Variants in ADAR observed in about 807,000 individuals in gnomAD.
The protein encoded by ADAR is adenosine deaminase RNA specific, also known as double-stranded RNA-specific adenosine deaminase.
ADAR carries 41 observed loss-of-function variants against 113.2 expected under a neutral mutation model. The ratio of observed to expected loss-of-function variants is 0.36; its 90% CI spans 0.28 to 0.47. The LOEUF (loss-of-function observed/expected upper bound fraction) is 0.47, where lower values mean the gene tolerates loss of function less well. Among genes scored for constraint, ADAR ranks in the 20% least tolerant of loss-of-function variants. The pLI is 1.00. For missense variants in ADAR, 1,242 were observed against 1,540.9 expected, an observed-to-expected ratio of 0.81 and a Z score of 3.25; for synonymous variants, 605 against 572.6, an observed-to-expected ratio of 1.06 and a Z score of -0.81.
At chr1:154,608,945 A>G (rs1030915925), upstream of ADAR, 1 of 152,296 alleles carries the variant, frequency 6.6e-6, no homozygotes, top group Non-Finnish European at 1.5e-5. Flanking sequence ...GATGCCAGCC[A>G]GTAAAAAGTA....
At position 154,584,864 on chromosome 1, in the gene ADAR, T is replaced by C. The variant is rs2101556911; in HGVS notation, c.3623A>G (p.Tyr1208Cys). ...YFKKGLKDMG[Y>C]GNWISKPQEE... is the part of the protein sequence containing the mutation. ...CTGGGGTTTGCTAATCCAGTTCCCA[T>C]AGCCCATATCCTTCAGGCCTTTTTT... The change falls in exon 15 of 15, where the codon TAT becomes TGT. Residue 1208 changes from tyrosine (Y) to cysteine (C), a missense_variant. Around this residue, in one of 2 missense-constraint regions of ADAR, gnomAD observed 780 missense variants for 1,057.9 expected, o/e 0.74. Coordinates refer to ENST00000368474, the MANE Select transcript of ADAR (RefSeq NM_001111.5). The C allele has an allele frequency of 1.2e-6, 2 of 1,614,210 alleles. No homozygotes were observed. Among genetic ancestry groups the C allele is most frequent in the South Asian group, 1.1e-5 (1 of 91,080 alleles).
At chr1:154,591,900 G>A (rs759303582) in intron 6 of ADAR, among the ~76,000 whole-genome samples, 10 of 152,224 alleles carry the variant, frequency 6.6e-5, no homozygotes, top group Non-Finnish European at 1.3e-4. Context: ...ACAGTGGCAT[G>A]AAAAGAAGAT....
In ADAR at chr1:154,597,766, A is replaced by G. The variant is rs1697598267; in HGVS notation, c.1934+62T>C. On this transcript the variant is annotated intron_variant, in intron 4 of 14. Coordinates refer to ENST00000368474, the MANE Select transcript of ADAR (RefSeq NM_001111.5). ...TGCCATCCCTGAGGAGGCAAGGAAG[A>G]AAATGTGTCTCTTTTTCTTTCTGAG... 1.9e-6 allele frequency: 3 copies of G among 1,608,670 alleles called. No individual in the cohort carries two copies. The South Asian group carries it at 3.3e-5, about 18-fold the overall frequency.
intron 6 of ADAR, among the ~76,000 whole-genome samples, chr1:154,593,120 G>GT (rs2101601922): frequency 9.5e-6 from 1 of 105,742 alleles, no homozygotes; most frequent in Non-Finnish European, 1.7e-5. Context: ...GGGTGACAGA[G>GT]TGAGACTCCA....
chr1:154,608,329 C>CTTTTT (rs560819918), upstream of ADAR: 43 of 287,490 alleles, frequency 1.5e-4, no homozygotes, highest in Non-Finnish European at 2.4e-4. Context: ...ACGGAAGGTA[C>CTTTTT]TTTTTTTTTT....
chr1:154,607,979 C>A lies in ADAR; in HGVS notation c.15+13G>T. 6.2e-7 allele frequency: 1 copy of A among 1,611,092 alleles called. No individual in the cohort carries two copies. Among genetic ancestry groups the A allele is most frequent in the Non-Finnish European group, 8.5e-7 (1 of 1,178,964 alleles). On this transcript the variant is annotated intron_variant, in intron 1 of 14. Transcript: ENST00000368474. The stretch of plus-strand genomic sequence containing the variant: ...CCAGACGGCGGCGAAGGTCCAAGGC[C>A]GGCCCGGCTTACCTGCCGCGGATTC...
chr1:154,599,192 A>ATT (rs1431785445), intron 2 of ADAR, among the ~76,000 whole-genome samples: 1 of 152,240 alleles, frequency 6.6e-6, no homozygotes, highest in Non-Finnish European at 1.5e-5. Context: ...TATGTAGAAA[A>ATT]TAAAAAAGCA....
At position 154,601,636 on chromosome 1, in the gene ADAR, C is replaced by A. The variant is rs763575197; in HGVS notation, c.1006G>T (p.Asp336Tyr). The A allele has an allele frequency of 6.2e-6, 10 of 1,613,694 alleles. No homozygotes were observed. Among genetic ancestry groups the A allele is most frequent in the Non-Finnish European group, 8.5e-6 (10 of 1,180,040 alleles). The change falls in exon 2 of 15, where the codon GAC (aspartate) becomes TAC (tyrosine). Residue 336 changes from aspartate (D) to tyrosine (Y), a missense_variant. Transcript: ENST00000368474. This position sits in a 1 kb window ranked among gnomAD's most constrained non-coding sequence, Gnocchi z 4.7. Reference protein sequence around the residue: ...KARDINAVLIDMERQGDVYRQ... With the variant: ...KARDINAVLIYMERQGDVYRQ... ...TAGACATCCCCCTGCCTTTCCATGT[C>A]AATTAGCACAGCATTTATATCTCGG...
rs1447125295 is a variant in ADAR, at chr1:154,597,147, G to A, written c.2055C>T (p.Thr685=). The part of the protein sequence containing the change: ...EAMKALHGEA[T]NSMASDNQPE... ...CCTGGTTATCAGAAGCCATGGAGTT[G>A]GTCGCCTCCCCATGCAGGGCCTTCA... The change falls in exon 5 of 15, where the codon ACC becomes ACT. Residue 685 remains threonine (T), a synonymous_variant. Transcript: ENST00000368474. 6.2e-7 allele frequency: 1 copy of A among 1,614,186 alleles called. No individual in the cohort carries two copies. Among genetic ancestry groups the A allele is most frequent in the Non-Finnish European group, 8.5e-7 (1 of 1,180,034 alleles).
chr1:154,607,439 C>T (rs1698265336), intron 1 of ADAR, among the ~76,000 whole-genome samples: 1 of 152,114 alleles, frequency 6.6e-6, no homozygotes, highest in African/African-American at 2.4e-5. Flanking sequence ...TTTTTAACTC[C>T]CAGAAGGCCT....
intron 1 of ADAR, among the ~76,000 whole-genome samples, chr1:154,624,475 T>C (rs569967216): frequency 3.5e-4 from 53 of 152,310 alleles, no homozygotes; most frequent in African/African-American, 1.2e-3. Flanking sequence ...GGATGGGTTA[T>C]ATAAATTTTG....
At chr1:154,615,122 C>T (rs2101688300) in intron 1 of ADAR, among the ~76,000 whole-genome samples, 1 of 152,352 alleles carries the variant, frequency 6.6e-6, no homozygotes, top group South Asian at 2.1e-4. Flanking sequence ...GGGAGCACAG[C>T]CCTGCCAACA....
At chr1:154,590,134 T>TCGGCGGGG in intron 7 of ADAR, 50 bp downstream of exon 7, 2 of 1,447,046 alleles carry the variant, frequency 1.4e-6, no homozygotes, top group Non-Finnish European at 1.9e-6. Context: ...ACTTAGGAGT[T>TCGGCGGGG]AGGAGGACCC....
At chr1:154,587,778 TC>T (rs955167515) in intron 11 of ADAR, among the ~76,000 whole-genome samples, 3 of 152,122 alleles carry the variant, frequency 2.0e-5, no homozygotes, top group African/African-American at 7.2e-5. Flanking sequence ...CTTCATTTCC[TC>T]CCCGCTTTCT....
Position 154,596,686 on chromosome 1 carries a change from C to T in ADAR, c.2270+119G>A, listed in dbSNP as rs930588696. ...AAGAGGCCGTGGAGACAGGGCTGGACTTGTTTCCCTCAACTCGCCCCTTCT... is the reference window on the plus strand; with the variant it reads ...AAGAGGCCGTGGAGACAGGGCTGGATTTGTTTCCCTCAACTCGCCCCTTCT... On this transcript the variant is annotated intron_variant, in intron 6 of 14. Coordinates refer to ENST00000368474, the MANE Select transcript of ADAR (RefSeq NM_001111.5). 7.7e-6 allele frequency: 9 copies of T among 1,163,352 alleles called. No individual in the cohort carries two copies. In the African/African-American group the frequency reaches 1.2e-4, roughly 16 times the overall value. 72.1% of individuals were successfully genotyped at this position (1,163,352 alleles called of 1,614,324 possible).
chr1:154,622,060 T>G (rs1392892997), intron 1 of ADAR, among the ~76,000 whole-genome samples: 1 of 152,076 alleles, frequency 6.6e-6, no homozygotes. Context: ...TGCAGGGGCC[T>G]GAGGATGTGG....
chr1:154,610,734 A>C (rs6702449), upstream of ADAR, among the ~76,000 whole-genome samples: 62,016 of 147,242 alleles, frequency 0.42, 13,691 homozygotes, highest in East Asian at 0.55. Flanking sequence ...CGCTTGAAGC[A>C]GGGAGTCGGA....
intron 1 of ADAR, among the ~76,000 whole-genome samples, chr1:154,606,935 TAAAA>T (rs3058643): frequency 1.2e-4 from 4 of 32,588 alleles, no homozygotes; most frequent in Non-Finnish European, 7.1e-5. Context: ...AAGGAGTGCT[TAAAA>T]AAAAAAAAAT....
chr1:154,590,276 T>G lies in ADAR; in HGVS notation c.2404A>C (p.Met802Leu). 6.2e-7 allele frequency: 1 copy of G among 1,614,032 alleles called. No individual in the cohort carries two copies. The highest frequency in any genetic ancestry group is 8.5e-7 in the Non-Finnish European group (1 of 1,180,024). Residue 802 changes from methionine to leucine, a missense_variant, in exon 7 of 15, where the codon ATG becomes CTG. Transcript: ENST00000368474. ...ACTGGGGTTACCTCTGTGAAACCCATGCGTTCTGCCTTCTCGTTCTCCCCA... is the reference window on the plus strand; with the variant it reads ...ACTGGGGTTACCTCTGTGAAACCCAGGCGTTCTGCCTTCTCGTTCTCCCCA... ...LIGENEKAER[M>L]GFTEVTPVTG...
Sources: allele counts gnomAD v4.1 joint callset (sites outside exome capture counted in the v4.1 genomes callset), GRCh38; gene constraint gnomAD v4.1.1; regional missense constraint gnomAD v4.1.1; non-coding constraint Gnocchi (gnomAD v3.1); transcripts MANE v1.5; gene names NCBI Gene and HGNC (gene_info 2026-07-23, HGNC 2026-07-21).